Variants in CCBE1 observed in about 807,000 individuals in gnomAD.
The protein encoded by CCBE1 is collagen and calcium-binding EGF domain-containing protein 1.
CCBE1 carries 37 observed loss-of-function variants against 50.0 expected under a neutral mutation model. That is an observed-to-expected ratio of 0.74 (90% confidence interval 0.57 to 0.97). The LOEUF is 0.97. Among genes scored for constraint, CCBE1 ranks in the 50% least tolerant of loss-of-function variants. CCBE1 has a pLI of 0.00. For synonymous variants in CCBE1, 234 were observed against 203.7 expected (o/e 1.15, Z -1.27); for missense variants, 538 against 523.8 (o/e 1.03, Z -0.26).
chr18:59,460,729 C>T (rs941368033), intron 5 of CCBE1, among the ~76,000 whole-genome samples: 2 of 151,978 alleles, frequency 1.3e-5, no homozygotes, highest in Non-Finnish European at 2.9e-5. Context: ...ATCGGGAGTT[C>T]GAGACCAGCC....
chr18:59,626,935 G>A (rs2053792754), intron 2 of CCBE1, among the ~76,000 whole-genome samples: 1 of 152,210 alleles, frequency 6.6e-6, no homozygotes, highest in Non-Finnish European at 1.5e-5. Context: ...CATGTCTTCA[G>A]CCTCTCCACA....
At chr18:59,556,407 T>C (rs1322549845) in intron 2 of CCBE1, among the ~76,000 whole-genome samples, 7 of 152,144 alleles carry the variant, frequency 4.6e-5, no homozygotes, top group East Asian at 1.9e-4. Context: ...TGACCTGCAG[T>C]AACATATGCC....
intron 2 of CCBE1, among the ~76,000 whole-genome samples, chr18:59,597,055 A>G (rs892452959): frequency 4.6e-5 from 7 of 152,248 alleles, no homozygotes; most frequent in Non-Finnish European, 8.8e-5. Flanking sequence ...CATGCATTTA[A>G]TCTTGAGCTG....
chr18:59,603,184 G>A (rs1343852975), intron 2 of CCBE1, among the ~76,000 whole-genome samples: 6 of 152,168 alleles, frequency 3.9e-5, no homozygotes, highest in Non-Finnish European at 8.8e-5. Context: ...GAAGATTCTG[G>A]AATGACCATG....
intron 2 of CCBE1, among the ~76,000 whole-genome samples, chr18:59,608,698 G>A (rs2564474): frequency 0.09 from 13,693 of 152,250 alleles, 643 homozygotes; most frequent in East Asian, 0.13. Context: ...TTGTGGATGA[G>A]TGAAAACGTC....
chr18:59,532,717 C>T (rs1944991), intron 2 of CCBE1, among the ~76,000 whole-genome samples: 42,080 of 152,162 alleles, frequency 0.28, 6,023 homozygotes, highest in African/African-American at 0.33. Context: ...ATCTCCCTTC[C>T]ATGCCTGCTA....
intron 2 of CCBE1, among the ~76,000 whole-genome samples, chr18:59,672,593 G>A (rs1353373612): frequency 3.3e-5 from 5 of 152,172 alleles, no homozygotes; most frequent in African/African-American, 1.2e-4. Flanking sequence ...ACAAGAGTGA[G>A]GCCCTCTCAG....
chr18:59,488,993 T>A (rs1912962435), intron 2 of CCBE1, among the ~76,000 whole-genome samples: 1 of 152,170 alleles, frequency 6.6e-6, no homozygotes, highest in Admixed American at 6.5e-5. Context: ...AAGCTGCCAG[T>A]CCTCAGTGAC....
At chr18:59,573,218 G>C (rs2052941306) in intron 2 of CCBE1, among the ~76,000 whole-genome samples, 2 of 149,660 alleles carry the variant, frequency 1.3e-5, no homozygotes, top group South Asian at 4.3e-4. Flanking sequence ...CTGGGAGGCA[G>C]AGGCTGCAGT....
rs1911765331 is a variant in CCBE1, at chr18:59,466,742, T to G, written c.550A>C (p.Thr184Pro). Residue 184 changes from threonine (T) to proline (P), a missense_variant, in exon 5 of 11, where the codon ACT (threonine) becomes CCT (proline). Transcript: ENST00000439986. ...TATTTAGACTTGCCCTACTTACCAGTGTCATTGGGATATTTGTCTCCCCTG... is the reference window on the plus strand; with the variant it reads ...TATTTAGACTTGCCCTACTTACCAGGGTCATTGGGATATTTGTCTCCCCTG... ...CTRGDKYPND[T>P]GHEKSENMVK... 1 of 1,612,016 alleles carries G rather than the reference T, an allele frequency of 6.2e-7. No individual in the cohort carries two copies. The highest frequency in any genetic ancestry group is 1.1e-5 in the South Asian group (1 of 91,038).
intron 2 of CCBE1, among the ~76,000 whole-genome samples, chr18:59,538,468 C>G (rs762782231): frequency 5.3e-5 from 8 of 152,220 alleles, no homozygotes; most frequent in Non-Finnish European, 1.2e-4. Flanking sequence ...CAAACTTGCC[C>G]TGTCCATAGA....
chr18:59,557,341 G>A (rs1464738001), intron 2 of CCBE1, among the ~76,000 whole-genome samples: 1 of 152,046 alleles, frequency 6.6e-6, no homozygotes. Flanking sequence ...ACAACTGCAT[G>A]AGCATCCCTC....
intron 2 of CCBE1, among the ~76,000 whole-genome samples, chr18:59,692,732 A>G (rs1424843086): frequency 6.6e-6 from 1 of 152,176 alleles, no homozygotes; most frequent in Non-Finnish European, 1.5e-5. Context: ...TACATCCCCC[A>G]TGTCACTATT....
At chr18:59,642,413 G>A (rs2054001808) in intron 2 of CCBE1, among the ~76,000 whole-genome samples, 1 of 152,162 alleles carries the variant, frequency 6.6e-6, no homozygotes, top group Non-Finnish European at 1.5e-5. Context: ...TGGAGAAATA[G>A]TTCTCCAGCA....
chr18:59,693,649 G>T (rs2054766655), intron 2 of CCBE1, among the ~76,000 whole-genome samples: 1 of 151,970 alleles, frequency 6.6e-6, no homozygotes, highest in South Asian at 2.1e-4. Context: ...CAAAGTCCTG[G>T]ATATAAAATC....
intron 2 of CCBE1, among the ~76,000 whole-genome samples, chr18:59,559,177 G>C (rs1450535399): frequency 6.6e-6 from 1 of 152,194 alleles, no homozygotes; most frequent in Non-Finnish European, 1.5e-5. Flanking sequence ...GGGGTCTCCT[G>C]CAAGTGTGGA....
At chr18:59,555,060 C>T (rs968886627) in intron 2 of CCBE1, among the ~76,000 whole-genome samples, 1 of 152,202 alleles carries the variant, frequency 6.6e-6, no homozygotes, top group Admixed American at 6.5e-5. Flanking sequence ...CTTCCCCCAA[C>T]AACTTGCTAG....
intron 2 of CCBE1, among the ~76,000 whole-genome samples, chr18:59,567,020 C>T (rs2052840608): frequency 6.6e-6 from 1 of 152,250 alleles, no homozygotes; most frequent in South Asian, 2.1e-4. Context: ...TCCCCTCTAT[C>T]TGTAAGCAAA....
intron 2 of CCBE1, among the ~76,000 whole-genome samples, chr18:59,551,026 A>AAC (rs1568201658): frequency 5.5e-4 from 65 of 117,762 alleles, no homozygotes; most frequent in African/African-American, 2.0e-3. Context: ...AAAAAAAAAA[A>AAC]AAAGAAAAGA....
Sources: allele counts gnomAD v4.1 joint callset (sites outside exome capture counted in the v4.1 genomes callset), GRCh38; gene constraint gnomAD v4.1.1; transcripts MANE v1.5; gene names NCBI Gene and HGNC (gene_info 2026-07-23, HGNC 2026-07-21).